FARP1: variants seen among roughly 807,000 people sequenced by gnomAD.
FARP1 encodes FERM, ARHGEF and pleckstrin domain-containing protein 1.
In FARP1, 52 loss-of-function variants were observed where a neutral mutation model predicts 128.8. The observed-to-expected ratio is 0.40, with a 90% CI of 0.32 to 0.51. FARP1 has a LOEUF of 0.51. Among genes scored for constraint, FARP1 ranks in the 20% least tolerant of loss-of-function variants. The probability of loss-of-function intolerance (pLI) is 0.45; values close to 1 mark genes in which losing one functional copy is unlikely to be tolerated. For synonymous variants in FARP1, 580 were observed against 551.8 expected, an observed-to-expected ratio of 1.05 and a Z score of -0.72; for missense variants, 1,333 against 1,367.9, an observed-to-expected ratio of 0.97 and a Z score of 0.40.
chr13:98,164,580 C>T (rs1209181045), intron 1 of FARP1, among the ~76,000 whole-genome samples: 3 of 152,330 alleles, frequency 2.0e-5, no homozygotes, highest in East Asian at 3.9e-4. Flanking sequence ...CTGCTGTGAA[C>T]CCAATGAGAG....
chr13:98,375,271 G>T (rs1889532809), intron 5 of FARP1, among the ~76,000 whole-genome samples: 1 of 152,172 alleles, frequency 6.6e-6, no homozygotes, highest in Non-Finnish European at 1.5e-5. Context: ...CTCCTACATG[G>T]TTTTTTCACC....
chr13:98,145,350 G>A (rs1875448075), intron 1 of FARP1, among the ~76,000 whole-genome samples: 1 of 152,170 alleles, frequency 6.6e-6, no homozygotes. Flanking sequence ...GGTTTCTAAT[G>A]CCCCCTTTCA....
chr13:98,250,130 C>G lies in FARP1; in HGVS notation c.171+36717C>G, dbSNP rs537890647. On this transcript the variant is annotated intron_variant, in intron 2 of 26. Transcript: ENST00000319562. ...TTCTGAACACCAAACATTGGGGTGG[C>G]CCAGTGACTTAATCGGAGAAACACA... 1.8e-3 allele frequency among the ~76,000 whole-genome samples: 277 copies of G among 152,270 alleles called. 2 individuals carry two copies. The highest frequency in any genetic ancestry group is 6.4e-3 in the African/African-American group (265 of 41,540).
intron 16 of FARP1, among the ~76,000 whole-genome samples, chr13:98,420,316 C>T (rs1891547273): frequency 6.6e-6 from 1 of 152,170 alleles, no homozygotes; most frequent in African/African-American, 2.4e-5. Flanking sequence ...CTTCTGCCTC[C>T]TCTTAGGGGG....
chr13:98,167,126 GA>G (rs1374517161), intron 1 of FARP1, among the ~76,000 whole-genome samples: 6 of 152,046 alleles, frequency 3.9e-5, no homozygotes, highest in Non-Finnish European at 8.8e-5. Flanking sequence ...GTATTTTCTT[GA>G]CCATCCTTCT....
intron 3 of FARP1, among the ~76,000 whole-genome samples, chr13:98,344,625 C>T (rs1331679426): frequency 5.9e-5 from 9 of 152,038 alleles, no homozygotes; most frequent in Non-Finnish European, 1.5e-5. Flanking sequence ...GAATGTCTGT[C>T]GAAGCTCTGA....
chr13:98,362,013 C>A (rs983551733), intron 3 of FARP1, among the ~76,000 whole-genome samples: 18 of 152,162 alleles, frequency 1.2e-4, no homozygotes, highest in African/African-American at 4.3e-4. Flanking sequence ...CCTATAATCC[C>A]AGCACTTTGG....
At chr13:98,219,700 C>T (rs573346934) in intron 2 of FARP1, among the ~76,000 whole-genome samples, 6 of 152,210 alleles carry the variant, frequency 3.9e-5, no homozygotes, top group South Asian at 2.1e-4. Context: ...AGAGTCTTCT[C>T]TGTCACCCAG....
chr13:98,397,901 A>AG (rs1890612180), intron 13 of FARP1: 1 of 6,742 alleles, frequency 1.5e-4, no homozygotes, highest in African/African-American at 2.8e-4. Flanking sequence ...TTTTTTTTTG[A>AG]AAAAAAAAAA....
At chr13:98,295,096 CACACACACATATAT>C (rs1488851919) in intron 2 of FARP1, among the ~76,000 whole-genome samples, 4 of 30,882 alleles carry the variant, frequency 1.3e-4, no homozygotes, top group East Asian at 1.7e-3. Flanking sequence ...CACACACACA[CACACACACATATAT>C]CCCCAGGCAT....
chr13:98,302,293 C>T (rs1296311910), intron 2 of FARP1, among the ~76,000 whole-genome samples: 1 of 152,216 alleles, frequency 6.6e-6, no homozygotes, highest in Non-Finnish European at 1.5e-5. Flanking sequence ...CCAGCTTATG[C>T]CTGTAATCTT....
chr13:98,409,391 G>A lies in FARP1; in HGVS notation c.1468G>A (p.Gly490Arg), dbSNP rs1313450265. The A allele has an allele frequency of 3.7e-6, 6 of 1,613,922 alleles. No homozygotes were observed. The South Asian group carries it at 5.5e-5, about 15-fold the overall frequency. The stretch of plus-strand genomic sequence containing the variant: ...CGAGCTGTCTGTGAACTCGCAGGGG[G>A]GAGTGGCCCCTGCCAACGTGACCTT... ...LSELSVNSQG[G>R]VAPANVTLSP... Residue 490 changes from glycine (G) to arginine (R), a missense_variant, in exon 14 of 27, where the codon GGA becomes AGA. Physicochemically the swap from Gly to Arg is moderately radical, Grantham distance 125. This residue lies in a region of FARP1 where 1,009 missense variants were observed against 969.8 expected (regional missense o/e 1.04). Transcript: ENST00000319562.
intron 2 of FARP1, among the ~76,000 whole-genome samples, chr13:98,292,092 TC>T (rs1328242580): frequency 6.6e-6 from 1 of 152,254 alleles, no homozygotes; most frequent in Admixed American, 6.5e-5. Context: ...TGTTGACATT[TC>T]CTGCTCTTAA....
At chr13:98,308,755 G>A (rs951647149) in intron 2 of FARP1, among the ~76,000 whole-genome samples, 24 of 152,132 alleles carry the variant, frequency 1.6e-4, no homozygotes, top group African/African-American at 4.6e-4. Context: ...TGCAACCTCT[G>A]CCTCCTGGGT....
intron 2 of FARP1, among the ~76,000 whole-genome samples, chr13:98,213,999 A>C (rs545874501): frequency 5.9e-5 from 9 of 152,210 alleles, no homozygotes; most frequent in South Asian, 2.1e-4. Flanking sequence ...TGGCAGCCCT[A>C]GAGATGGGGA....
intron 8 of FARP1, among the ~76,000 whole-genome samples, chr13:98,387,163 T>G (rs1218067197): frequency 6.6e-6 from 1 of 152,096 alleles, no homozygotes; most frequent in Non-Finnish European, 1.5e-5. Flanking sequence ...TAGCTGGGCA[T>G]GATGGCGTGT....
rs1167591256 is a variant in FARP1 at position 98,451,233 on chromosome 13, AAC to A, written c.*2920_*2921del. Reference sequence around the variant, plus strand: ...AATCAGGTAACGGCACACCCTGGGGAACACAGACTCAATCTGTGTGATTCGCA... The same window carrying A: ...AATCAGGTAACGGCACACCCTGGGGAACAGACTCAATCTGTGTGATTCGCA... On this transcript the variant is annotated 3_prime_UTR_variant, in exon 27 of 27. Coordinates refer to ENST00000319562, the MANE Select transcript of FARP1 (RefSeq NM_005766.4). 1.3e-5 allele frequency: 2 copies of A among 152,182 alleles called. No homozygotes were observed. The highest frequency in any genetic ancestry group is 2.4e-5 in the African/African-American group (1 of 41,426). 9.4% of individuals were successfully genotyped at this position (152,182 alleles called of 1,614,324 possible).
At chr13:98,424,460 G>A (rs1172919565) in intron 16 of FARP1, 112 bp from the exon 17 acceptor site, 97 of 726,008 alleles carry the variant, frequency 1.3e-4, no homozygotes, top group Non-Finnish European at 3.5e-5. Flanking sequence ...AAGTTCAGGA[G>A]ATGTCCGGGG....
At chr13:98,336,779 G>A (rs1594417650) in intron 2 of FARP1, among the ~76,000 whole-genome samples, 1 of 152,352 alleles carries the variant, frequency 6.6e-6, no homozygotes, top group East Asian at 1.9e-4. Flanking sequence ...GGGACACAGA[G>A]CATGGAGCCA....
Sources: gnomAD v4.1 joint callset for allele counts (sites outside exome capture counted in the v4.1 genomes callset) on GRCh38, gnomAD v4.1.1 for gene constraint, gnomAD v4.1.1 regional missense constraint, MANE v1.5 for transcripts, NCBI Gene and HGNC (gene_info 2026-07-23, HGNC 2026-07-21) for gene names.